The following VAV3 variants were observed in gnomAD, a reference collection of about 807,000 sequenced individuals.
The protein encoded by VAV3 is vav guanine nucleotide exchange factor 3.
A neutral mutation model predicts 131.2 loss-of-function variants in VAV3; 94 were observed. That is an observed-to-expected ratio of 0.72 (90% CI 0.61 to 0.85). VAV3 has a LOEUF of 0.85. Ranked by LOEUF, VAV3 falls within the 40% of genes least tolerant of loss-of-function variation. The pLI is 0.00. For synonymous variants in VAV3, 349 were observed against 342.0 expected, an observed-to-expected ratio of 1.02 and a Z score of -0.22; for missense variants, 939 against 1,002.7, an observed-to-expected ratio of 0.94 and a Z score of 0.86.
intron 2 of VAV3, among the ~76,000 whole-genome samples, chr1:107,815,897 G>A (rs748889057): frequency 6.6e-5 from 10 of 152,120 alleles, no homozygotes; most frequent in Non-Finnish European, 8.8e-5. Context: ...AGGGGGCATG[G>A]GGGGATGGTT....
intron 21 of VAV3, among the ~76,000 whole-genome samples, chr1:107,610,796 T>A (rs1046578924): frequency 1.3e-5 from 2 of 152,204 alleles, no homozygotes; most frequent in African/African-American, 4.8e-5. Flanking sequence ...AGGGTTACTT[T>A]AAAAATTCCT....
intron 20 of VAV3, among the ~76,000 whole-genome samples, chr1:107,640,849 G>A (rs1281438801): frequency 1.3e-5 from 2 of 152,018 alleles, no homozygotes; most frequent in Non-Finnish European, 2.9e-5. Flanking sequence ...GCTGAGTTAT[G>A]TGTTTAATAT....
chr1:107,853,730 A>G (rs774280561), intron 2 of VAV3, among the ~76,000 whole-genome samples: 12 of 152,224 alleles, frequency 7.9e-5, no homozygotes, highest in Admixed American at 3.3e-4. Context: ...ACCCAGATCA[A>G]TGAAGGTTAT....
intron 1 of VAV3, among the ~76,000 whole-genome samples, chr1:107,892,228 T>C (rs183330251): frequency 6.6e-6 from 1 of 152,278 alleles, no homozygotes; most frequent in Non-Finnish European, 1.5e-5. Context: ...ATGGGGAAAA[T>C]TACGTTTTCC....
chr1:107,775,509 T>A (rs1570936095), intron 4 of VAV3, among the ~76,000 whole-genome samples: 1 of 118,330 alleles, frequency 8.5e-6, no homozygotes, highest in South Asian at 2.8e-4. Flanking sequence ...ACCCAGGAGG[T>A]GGAGGTTGCA....
intron 15 of VAV3, among the ~76,000 whole-genome samples, chr1:107,725,954 T>TA (rs1661814840): frequency 6.6e-6 from 1 of 152,126 alleles, no homozygotes; most frequent in African/African-American, 2.4e-5. Flanking sequence ...CTGTCCTGGG[T>TA]AGTGGGTACT....
At chr1:107,855,739 CT>C (rs1669438927) in intron 2 of VAV3, among the ~76,000 whole-genome samples, 2 of 151,934 alleles carry the variant, frequency 1.3e-5, no homozygotes, top group Admixed American at 1.3e-4. Flanking sequence ...ACTACAAAAC[CT>C]AATGAAAAAA....
rs1477262614 is a variant in VAV3, at chr1:107,844,289, A to C, written c.321+30612T>G. On this transcript the variant is annotated intron_variant, in intron 2 of 26. Coordinates refer to ENST00000370056, the MANE Select transcript of VAV3 (RefSeq NM_006113.5). Reference sequence around the variant, plus strand: ...CACGAGGGACGGTGCTATCCGGCCCAGATACTATGTTTTTCCCACTATCTT... The same window carrying C: ...CACGAGGGACGGTGCTATCCGGCCCCGATACTATGTTTTTCCCACTATCTT... Among the ~76,000 whole-genome samples the C allele has an allele frequency of 2.0e-5, 3 of 152,266 alleles. No homozygotes were observed. In the East Asian group the frequency reaches 5.8e-4, roughly 30 times the overall value.
At chr1:107,815,954 G>A (rs1207629177) in intron 2 of VAV3, among the ~76,000 whole-genome samples, 1 of 152,162 alleles carries the variant, frequency 6.6e-6, no homozygotes, top group Non-Finnish European at 1.5e-5. Flanking sequence ...TTAGGTTCTC[G>A]TAAGGAGTAC....
chr1:107,684,901 T>TA (rs2101748330), intron 18 of VAV3, among the ~76,000 whole-genome samples: 1 of 152,312 alleles, frequency 6.6e-6, no homozygotes, highest in Non-Finnish European at 1.5e-5. Flanking sequence ...GAACTCTATA[T>TA]AAACAACATC....
At chr1:107,591,506 T>A (rs763349430) in intron 25 of VAV3, among the ~76,000 whole-genome samples, 16 of 152,164 alleles carry the variant, frequency 1.1e-4, no homozygotes, top group Middle Eastern at 3.2e-3. Flanking sequence ...TCAAATATGA[T>A]CTGTTCAGTA....
At chr1:107,757,190 T>C (rs1322256471) in intron 11 of VAV3, 71 bp downstream of exon 11, 7 of 1,048,094 alleles carry the variant, frequency 6.7e-6, no homozygotes, top group East Asian at 2.5e-5. Context: ...TGTGTGTGTA[T>C]GCAATTTGAA....
intron 2 of VAV3, chr1:107,862,730 A>C (rs1030104876): frequency 5.9e-5 from 9 of 151,668 alleles, no homozygotes; most frequent in Admixed American, 4.6e-4. Flanking sequence ...CACAGCTCAG[A>C]TAGGATACGG....
chr1:107,613,028 A>G (rs1378904617), intron 21 of VAV3, among the ~76,000 whole-genome samples: 1 of 152,130 alleles, frequency 6.6e-6, no homozygotes, highest in Non-Finnish European at 1.5e-5. Flanking sequence ...TTTGTCCACA[A>G]GTTATAGTTA....
At chr1:107,756,514 G>T (rs1312187741) in intron 11 of VAV3, among the ~76,000 whole-genome samples, 1 of 152,090 alleles carries the variant, frequency 6.6e-6, no homozygotes, top group Non-Finnish European at 1.5e-5. Context: ...AACACGAATT[G>T]GTACAAGGAC....
chr1:107,889,614 A>C (rs902423103), intron 1 of VAV3, among the ~76,000 whole-genome samples: 1 of 152,070 alleles, frequency 6.6e-6, no homozygotes, highest in African/African-American at 2.4e-5. Flanking sequence ...TTTCAGTGTT[A>C]GATTTTACAT....
chr1:107,739,420 C>A (rs1219392894), intron 15 of VAV3, among the ~76,000 whole-genome samples: 1 of 152,116 alleles, frequency 6.6e-6, no homozygotes, highest in African/African-American at 2.4e-5. Flanking sequence ...GACTTAACTG[C>A]CAATTTTGAA....
intron 15 of VAV3, among the ~76,000 whole-genome samples, chr1:107,740,559 G>A (rs912731225): frequency 3.3e-5 from 5 of 151,544 alleles, no homozygotes; most frequent in African/African-American, 1.2e-4. Context: ...ACATTTTGGA[G>A]CTAAATCATC....
intron 25 of VAV3, among the ~76,000 whole-genome samples, chr1:107,574,585 T>C (rs545847263): frequency 2.6e-5 from 4 of 152,326 alleles, no homozygotes; most frequent in Admixed American, 2.0e-4. Context: ...GGCCCAGTAA[T>C]CTAACCAGCA....
Sources: gnomAD v4.1 joint callset for allele counts (sites outside exome capture counted in the v4.1 genomes callset) on GRCh38, gnomAD v4.1.1 for gene constraint, MANE v1.5 for transcripts, NCBI Gene and HGNC (gene_info 2026-07-23, HGNC 2026-07-21) for gene names.